Variants in EPS8 observed in about 807,000 individuals in gnomAD.
EPS8 encodes EGFR pathway substrate 8, signaling adaptor.
Under a neutral mutation model 103.8 loss-of-function variants are expected in EPS8, and 42 were observed. The ratio of observed to expected loss-of-function variants is 0.40; its 90% CI spans 0.32 to 0.52. The LOEUF (loss-of-function observed/expected upper bound fraction) is 0.52. Among genes scored for constraint, EPS8 ranks in the 20% least tolerant of loss-of-function variants. EPS8 has a pLI of 0.40. For missense variants in EPS8, 969 were observed against 1,005.1 expected, an observed-to-expected ratio of 0.96 and a Z score of 0.49; for synonymous variants, 344 against 344.6, an observed-to-expected ratio of 1.00 and a Z score of 0.02.
In EPS8 at chr12:15,704,192, A is replaced by G. The variant is rs553817390; in HGVS notation, c.-21-21220T>C. On this transcript the variant is annotated intron_variant, in intron 1 of 20. Transcript: ENST00000281172. This position sits in a 1 kb window ranked among gnomAD's most constrained non-coding sequence, Gnocchi z 4.6. ...TGGCAGCTCCTCAAAAAAATCAAGC[A>G]TAGAATTACTATATGATCCAGCAGT... Among the ~76,000 whole-genome samples the G allele has an allele frequency of 1.3e-5, 2 of 152,292 alleles. No individual in the cohort carries two copies. The highest frequency in any genetic ancestry group is 4.8e-5 in the African/African-American group (2 of 41,560).
At chr12:15,685,665 G>T (rs1196198351) in intron 1 of EPS8, among the ~76,000 whole-genome samples, 1 of 152,080 alleles carries the variant, frequency 6.6e-6, no homozygotes, top group African/African-American at 2.4e-5. Context: ...TTGTCATTTG[G>T]CAATCACAGT....
chr12:15,732,842 T>C (rs1565522462), intron 1 of EPS8: 1 of 714,018 alleles, frequency 1.4e-6, no homozygotes, highest in East Asian at 1.3e-4. Flanking sequence ...TTGTTAATCA[T>C]TGTTAAGGCT....
chr12:15,767,701 C>T lies in EPS8; in HGVS notation c.-22+21460G>A, dbSNP rs538793440. On this transcript the variant is annotated intron_variant, in intron 1 of 20. Coordinates refer to ENST00000281172, the MANE Select transcript of EPS8 (RefSeq NM_004447.6). The surrounding 1 kb of genome is among the most constrained non-coding windows in gnomAD (Gnocchi z 5.5). ...GAGATATGTCTTCTTCTCTGCTAAA[C>T]ATGGTTGTTAGAATAAGGAAATTGA... is the stretch of plus-strand genomic sequence containing the variant. 1.3e-3 allele frequency among the ~76,000 whole-genome samples: 205 copies of T among 152,314 alleles called. 1 individual carries two copies. Among genetic ancestry groups the T allele is most frequent in the Middle Eastern group, 3.4e-3 (1 of 294 alleles).
chr12:15,653,333 T>C (rs1248728104), intron 13 of EPS8, among the ~76,000 whole-genome samples: 2 of 152,176 alleles, frequency 1.3e-5, no homozygotes, highest in Non-Finnish European at 2.9e-5. Flanking sequence ...CTCCACAGCC[T>C]ACAGAACCAC....
At chr12:15,645,980 C>T (rs1945313262) in intron 15 of EPS8, among the ~76,000 whole-genome samples, 1 of 151,996 alleles carries the variant, frequency 6.6e-6, no homozygotes, top group South Asian at 2.1e-4. Context: ...ATATTGACAT[C>T]TAAGACAGAC....
At chr12:15,669,237 A>G (rs1403050949) in intron 6 of EPS8, 150 bp downstream of exon 6, 5 of 597,756 alleles carry the variant, frequency 8.4e-6, no homozygotes, top group Non-Finnish European at 1.4e-5. Flanking sequence ...GAAATCCTAG[A>G]GAAGATACTA....
intron 1 of EPS8, among the ~76,000 whole-genome samples, chr12:15,741,867 C>T (rs919187832): frequency 6.6e-5 from 10 of 152,152 alleles, no homozygotes; most frequent in Non-Finnish European, 1.3e-4. Flanking sequence ...CGCCCCTTCC[C>T]CCAACCCTAC....
At chr12:15,654,426 G>A in intron 12 of EPS8, 133 bp from the exon 13 acceptor site, 2 of 786,320 alleles carry the variant, frequency 2.5e-6, no homozygotes, top group East Asian at 5.3e-5. Flanking sequence ...GCTGTGCAAT[G>A]TGCTACTGAA....
In EPS8 at chr12:15,631,538, C is replaced by A. The variant is rs754925249; in HGVS notation, c.1948G>T (p.Val650Phe). The change falls in exon 18 of 21, where the codon GTC (valine) becomes TTC (phenylalanine). Residue 650 changes from valine to phenylalanine, a missense_variant. Transcript: ENST00000281172. ...STPAPVPVSK[V>F]PANITRQNSS... is the part of the protein sequence containing the mutation. ...TTTTGACGTGTTATATTTGCTGGGA[C>A]CTTTGACACAGGAACAGGTGCTGGA... 6.2e-6 allele frequency: 10 copies of A among 1,613,898 alleles called. No individual in the cohort carries two copies. Among genetic ancestry groups the A allele is most frequent in the Non-Finnish European group, 8.5e-6 (10 of 1,179,968 alleles).
rs1311117782 is a variant in EPS8, at chr12:15,748,812, C to T, written c.-22+40349G>A. ...ATCCTCCTGAAAGGGCGAAAACATCCATTGCCTAGCCCCGCCTCACCAAAA... is the reference window on the plus strand; with the variant it reads ...ATCCTCCTGAAAGGGCGAAAACATCTATTGCCTAGCCCCGCCTCACCAAAA... On this transcript the variant is annotated intron_variant, in intron 1 of 20. Coordinates refer to ENST00000281172, the MANE Select transcript of EPS8 (RefSeq NM_004447.6). The surrounding 1 kb of genome is among the most constrained non-coding windows in gnomAD (Gnocchi z 4.8). Among the ~76,000 whole-genome samples, 1 of 152,078 alleles carries T rather than the reference C, an allele frequency of 6.6e-6. No individual in the cohort carries two copies. Among genetic ancestry groups the T allele is most frequent in the Non-Finnish European group, 1.5e-5 (1 of 67,998 alleles).
At chr12:15,659,182 T>C (rs1030196017) in intron 10 of EPS8, among the ~76,000 whole-genome samples, 4 of 151,896 alleles carry the variant, frequency 2.6e-5, no homozygotes, top group Non-Finnish European at 5.9e-5. Context: ...CAAGGTTAGA[T>C]TGTGGATAAC....
intron 1 of EPS8, among the ~76,000 whole-genome samples, chr12:15,740,902 T>C (rs1053465768): frequency 2.3e-4 from 35 of 152,150 alleles, no homozygotes; most frequent in Non-Finnish European, 4.0e-4. Context: ...TTGGTAATGA[T>C]AGAAAAAAGG....
chr12:15,658,753 C>T (rs1005605668), intron 10 of EPS8, among the ~76,000 whole-genome samples, 168 bp from the exon 11 acceptor site: 2 of 152,118 alleles, frequency 1.3e-5, no homozygotes, highest in African/African-American at 2.4e-5. Flanking sequence ...TGAGAAGATA[C>T]AAATTTCAAA....
At position 15,778,051 on chromosome 12, in the gene EPS8, CAT is replaced by C. The variant is rs1337777085; in HGVS notation, c.-22+11108_-22+11109del. Among the ~76,000 whole-genome samples the C allele has an allele frequency of 6.6e-6, 1 of 152,052 alleles. No homozygotes were observed. Among genetic ancestry groups the C allele is most frequent in the Non-Finnish European group, 1.5e-5 (1 of 67,988 alleles). ...TCTGTAATTCTGCAAACATAGCAAACATACAAATATACAAAAAATATAGACCT... is the reference window on the plus strand; with the variant it reads ...TCTGTAATTCTGCAAACATAGCAAACACAAATATACAAAAAATATAGACCT... On this transcript the variant is annotated intron_variant, in intron 1 of 20. Transcript: ENST00000281172. The surrounding 1 kb of genome is among the most constrained non-coding windows in gnomAD (Gnocchi z 4.5).
chr12:15,662,665 T>C, intron 8 of EPS8: 1 of 985,304 alleles, frequency 1.0e-6, no homozygotes, highest in Non-Finnish European at 1.2e-6. Flanking sequence ...CATTAAAAAA[T>C]AAATGTCTTA....
rs1235902564 is a variant in EPS8 at position 15,781,742 on chromosome 12, T to C, written c.-22+7419A>G. 1.3e-5 allele frequency: 2 copies of C among 152,258 alleles called. No individual in the cohort carries two copies. Among genetic ancestry groups the C allele is most frequent in the Admixed American group, 1.3e-4 (2 of 15,278 alleles). 9.4% of individuals were successfully genotyped at this position (152,258 alleles called of 1,614,324 possible). On this transcript the variant is annotated intron_variant, in intron 1 of 20. Transcript: ENST00000281172. This position sits in a 1 kb window ranked among gnomAD's most constrained non-coding sequence, Gnocchi z 4.1. ...AAAAGGAATTTATGTCTTACAGTTA[T>C]GGAGGTTAAGAAGTCCATGGTCGAG...
chr12:15,626,709 C>T (rs2135717664), intron 18 of EPS8, among the ~76,000 whole-genome samples: 1 of 152,028 alleles, frequency 6.6e-6, no homozygotes, highest in South Asian at 2.1e-4. Flanking sequence ...CTAATTACTC[C>T]CAGTAAAAGG....
rs574882174 is a variant in EPS8 at position 15,664,152 on chromosome 12, C to A, written c.736+1604G>T. On this transcript the variant is annotated intron_variant, in intron 8 of 20. Coordinates refer to ENST00000281172, the MANE Select transcript of EPS8 (RefSeq NM_004447.6). ...TAACAACAAAAACACCATAAGTACA[C>A]AAAAAGTATAGAATACAATAAATTA... Among the ~76,000 whole-genome samples the A allele has an allele frequency of 3.4e-4, 52 of 151,032 alleles. No homozygotes were observed. In the Middle Eastern group the frequency reaches 0.01, roughly 30 times the overall value.
At chr12:15,732,398 T>C (rs1946726549) in intron 1 of EPS8, among the ~76,000 whole-genome samples, 1 of 152,228 alleles carries the variant, frequency 6.6e-6, no homozygotes, top group African/African-American at 2.4e-5. Context: ...TACATTATTC[T>C]GTGAACTTCT....
Sources: allele counts gnomAD v4.1 joint callset (sites outside exome capture counted in the v4.1 genomes callset), GRCh38; gene constraint gnomAD v4.1.1; non-coding constraint Gnocchi (gnomAD v3.1); transcripts MANE v1.5; gene names NCBI Gene and HGNC (gene_info 2026-07-23, HGNC 2026-07-21).